Variants in CCDC33 observed in about 807,000 individuals in gnomAD.
CCDC33 encodes coiled-coil domain containing 33.
Under a neutral mutation model 91.9 loss-of-function variants are expected in CCDC33, and 94 were observed. The ratio of observed to expected loss-of-function variants is 1.02; its 90% confidence interval spans 0.87 to 1.21. The LOEUF is 1.21. Ranked by LOEUF, CCDC33 falls within the 50% of genes most tolerant of loss-of-function variation. The pLI is 0.00. For missense variants in CCDC33, 940 were observed against 935.5 expected (o/e 1.00, Z -0.06); for synonymous variants, 396 against 374.5 (o/e 1.06, Z -0.66).
intron 3 of CCDC33, 134 bp downstream of exon 3, chr15:74,262,707 A>G: frequency 1.1e-6 from 1 of 923,986 alleles, no homozygotes; most frequent in Non-Finnish European, 1.6e-6. Context: ...AGTTAAAAGC[A>G]CTTAGAAAAA....
chr15:74,322,028 G>A (rs1423272230), intron 11 of CCDC33, among the ~76,000 whole-genome samples: 3 of 152,116 alleles, frequency 2.0e-5, no homozygotes, highest in African/African-American at 7.2e-5. Context: ...TGGGTGGAGT[G>A]GCCAGGGCTA....
Position 74,336,131 on chromosome 15 carries a change from T to C in CCDC33, c.*78T>C. ...CTAAAAATGACGTTATTAAATGTTG[T>C]AGCTCTGTGAGCATTTTCCTCTTTC... On this transcript the variant is annotated 3_prime_UTR_variant, in exon 19 of 19. Transcript: ENST00000398814. The C allele has an allele frequency of 6.4e-7, 1 of 1,569,578 alleles. No individual in the cohort carries two copies. Among genetic ancestry groups the C allele is most frequent in the Non-Finnish European group, 8.6e-7 (1 of 1,159,728 alleles).
At chr15:74,256,736 G>A (rs2075878391) in intron 2 of CCDC33, among the ~76,000 whole-genome samples, 1 of 152,174 alleles carries the variant, frequency 6.6e-6, no homozygotes, top group African/African-American at 2.4e-5. Flanking sequence ...AAGTATCTCT[G>A]GAAAACAAGG....
intron 2 of CCDC33, among the ~76,000 whole-genome samples, chr15:74,227,641 G>A (rs1352636870): frequency 1.3e-5 from 2 of 152,176 alleles, no homozygotes; most frequent in African/African-American, 4.8e-5. Context: ...AAAAAGTGTT[G>A]CATAAGTAGC....
Position 74,335,002 on chromosome 15 carries a change from C to T in CCDC33, c.2053C>T (p.Arg685Ter), listed in dbSNP as rs562833338. Residue 685 changes from arginine (R) to a stop codon, truncating the protein, a stop_gained, in exon 18 of 19, where the codon CGA (arginine) becomes TGA (stop). Transcript: ENST00000398814. LOFTEE classifies it high-confidence loss of function. ...AGAGGACTCAGCTCGACGCTGGGGA[C>T]GAGAGAAGCAGGATCTGGCCACACG... The part of the protein sequence containing the change: ...QLEDSARRWG[R>*]EKQDLATRLQ... 1.7e-5 allele frequency: 27 copies of T among 1,614,004 alleles called. No individual in the cohort carries two copies. In the Admixed American group the frequency reaches 1.8e-4, roughly 11 times the overall value.
At chr15:74,215,032 AGT>A (rs2074404379), upstream of CCDC33, among the ~76,000 whole-genome samples, 1 of 152,222 alleles carries the variant, frequency 6.6e-6, no homozygotes, top group South Asian at 2.1e-4. Flanking sequence ...TGTGTGGGCA[AGT>A]CATCATTTGA....
chr15:74,216,982 T>C (rs147954443), upstream of CCDC33, among the ~76,000 whole-genome samples: 773 of 152,354 alleles, frequency 5.1e-3, 10 homozygotes, highest in East Asian at 0.03. Context: ...CTGGAGTTAT[T>C]GTTTGGTTCA....
chr15:74,309,977 G>A (rs1388059563), intron 11 of CCDC33, among the ~76,000 whole-genome samples: 3 of 151,866 alleles, frequency 2.0e-5, no homozygotes, highest in Non-Finnish European at 2.9e-5. Flanking sequence ...GCGAGATGCC[G>A]TCTCCACAAA....
chr15:74,280,630 G>T (rs766157889), intron 8 of CCDC33, 38 bp from the exon 9 acceptor site: 8 of 1,433,342 alleles, frequency 5.6e-6, no homozygotes, highest in East Asian at 2.7e-5. Context: ...CCGAGGTGGG[G>T]GCTTTGGCAG....
At chr15:74,246,869 G>A (rs200974630) in intron 2 of CCDC33, among the ~76,000 whole-genome samples, 8 of 152,174 alleles carry the variant, frequency 5.3e-5, no homozygotes, top group African/African-American at 1.9e-4. Context: ...ATATCGGGCC[G>A]GGCGCAGTGG....
intron 11 of CCDC33, among the ~76,000 whole-genome samples, chr15:74,325,391 G>A (rs745343481): frequency 4.6e-5 from 7 of 151,908 alleles, no homozygotes; most frequent in South Asian, 2.1e-4. Context: ...CCCCTACCCC[G>A]GGTAACACCT....
At chr15:74,264,650 C>G (rs1423430665) in intron 3 of CCDC33, among the ~76,000 whole-genome samples, 2 of 152,174 alleles carry the variant, frequency 1.3e-5, no homozygotes, top group Non-Finnish European at 2.9e-5. Context: ...ACTGGAATCT[C>G]CCAGTTGAAT....
intron 16 of CCDC33, chr15:74,333,129 C>A: frequency 9.3e-7 from 1 of 1,072,658 alleles, no homozygotes; most frequent in Admixed American, 2.0e-5. Flanking sequence ...CCTGGCTGGC[C>A]TCCACCTGGA....
upstream of CCDC33, among the ~76,000 whole-genome samples, chr15:74,231,637 T>G (rs1376715265): frequency 6.6e-6 from 1 of 152,180 alleles, no homozygotes; most frequent in Non-Finnish European, 1.5e-5. Context: ...CCAGCAGGCC[T>G]GGAGTCAAAT....
intron 3 of CCDC33, among the ~76,000 whole-genome samples, chr15:74,263,144 G>T (rs1004425518): frequency 6.6e-6 from 1 of 152,224 alleles, no homozygotes; most frequent in Non-Finnish European, 1.5e-5. Flanking sequence ...GTCAGCCTGA[G>T]CCACGAGGTG....
At chr15:74,260,328 G>A (rs1316845301) in intron 2 of CCDC33, among the ~76,000 whole-genome samples, 1 of 152,170 alleles carries the variant, frequency 6.6e-6, no homozygotes, top group African/African-American at 2.4e-5. Context: ...CGGGTGTGAG[G>A]AGTCCATTCT....
chr15:74,205,045 C>T (rs1398815673), intron 1 of CCDC33, among the ~76,000 whole-genome samples: 3 of 152,178 alleles, frequency 2.0e-5, no homozygotes, highest in Non-Finnish European at 4.4e-5. Context: ...AAGGCCTGCA[C>T]CAAATGGAAC....
chr15:74,267,600 A>T (rs1228286271), intron 4 of CCDC33, among the ~76,000 whole-genome samples: 1 of 152,082 alleles, frequency 6.6e-6, no homozygotes, highest in Non-Finnish European at 1.5e-5. Flanking sequence ...GAAGCATCAC[A>T]TTCCCCTCCC....
chr15:74,237,759 G>C (rs982140037), intron 1 of CCDC33, among the ~76,000 whole-genome samples: 2 of 152,202 alleles, frequency 1.3e-5, no homozygotes, highest in African/African-American at 2.4e-5. Flanking sequence ...GGGGATCTGG[G>C]GAGTGTGCGT....
Sources: gnomAD v4.1 joint callset for allele counts (sites outside exome capture counted in the v4.1 genomes callset) on GRCh38, gnomAD v4.1.1 for gene constraint, MANE v1.5 for transcripts, NCBI Gene and HGNC (gene_info 2026-07-23, HGNC 2026-07-21) for gene names.